PPEF1: variants seen among roughly 807,000 people sequenced by gnomAD.
PPEF1 encodes serine/threonine-protein phosphatase with EF-hands 1.
A neutral mutation model predicts 53.3 loss-of-function variants in PPEF1; 12 were observed. The observed-to-expected ratio is 0.23, with a 90% confidence interval of 0.14 to 0.36. The LOEUF (loss-of-function observed/expected upper bound fraction) is 0.36. PPEF1 is among the 10% of genes least tolerant of loss of function. PPEF1 has a pLI of 1.00. For synonymous variants in PPEF1, 165 were observed against 176.7 expected (o/e 0.93, Z 0.52); for missense variants, 334 against 490.4 (o/e 0.68, Z 3.01).
At chrX:18,702,105 G>A (rs962382180) in intron 6 of PPEF1, among the ~76,000 whole-genome samples, 1 of 111,733 alleles carries the variant, frequency 8.9e-6, no homozygotes, top group Non-Finnish European at 1.9e-5. Flanking sequence ...TCTCTGGCAC[G>A]GGCTGCCAGG....
At chrX:18,743,297 C>T (rs889088383) in intron 3 of PPEF1, among the ~76,000 whole-genome samples, 23 of 111,395 alleles carry the variant, frequency 2.1e-4, no homozygotes, top group Middle Eastern at 4.6e-3. Context: ...TTCAGTTGCT[C>T]CATATCCTCA....
chrX:18,756,751 T>C (rs759525741), intron 4 of PPEF1, among the ~76,000 whole-genome samples: 40 of 112,674 alleles, frequency 3.6e-4, no homozygotes, highest in Non-Finnish European at 7.1e-4. Context: ...TTCATAATAA[T>C]TTTCTGTTGT....
chrX:18,730,968 G>A (rs2044824508), intron 2 of PPEF1, among the ~76,000 whole-genome samples: 1 of 111,734 alleles, frequency 8.9e-6, no homozygotes, highest in Non-Finnish European at 1.9e-5. Context: ...ATCTGCCTTG[G>A]CCTCCCAAAG....
In PPEF1 at chrX:18,761,395, G is replaced by C. The variant is rs891122066; in HGVS notation, c.512-135G>C. On this transcript the variant is annotated intron_variant, in intron 5 of 15. Coordinates refer to ENST00000470157, the MANE Select transcript of PPEF1 (RefSeq NM_001377996.1). ...AGAGTGCTGTGGAGACAAATTGCCT[G>C]TCAAATTAACATCGTCATAGGATAA... 40 of 543,249 alleles carry C rather than the reference G, an allele frequency of 7.4e-5. No individual in the cohort carries two copies. The East Asian group carries it at 1.3e-3, about 18-fold the overall frequency. 44.8% of individuals were successfully genotyped at this position (543,249 alleles called of 1,213,427 possible). A position where few individuals can be genotyped will look rare whatever the true frequency, so the allele number is the denominator to read the frequency against.
chrX:18,732,956 C>A (rs1470856145), intron 2 of PPEF1, among the ~76,000 whole-genome samples: 3 of 111,911 alleles, frequency 2.7e-5, no homozygotes, highest in Non-Finnish European at 5.6e-5. Flanking sequence ...GTAATCCTAG[C>A]ACTTTGGGAG....
intron 6 of PPEF1, among the ~76,000 whole-genome samples, chrX:18,702,304 C>T (rs780755764): frequency 1.3e-4 from 14 of 109,879 alleles, no homozygotes; most frequent in African/African-American, 2.0e-4. Context: ...CTGTGGTGGT[C>T]GGGGGTGGGG....
intron 3 of PPEF1, among the ~76,000 whole-genome samples, chrX:18,739,745 G>GAGGC (rs1434246534): frequency 2.7e-5 from 3 of 112,468 alleles, no homozygotes; most frequent in African/African-American, 6.5e-5. Flanking sequence ...GGCGTCTATA[G>GAGGC]AGGCAGGCAG....
At chrX:18,743,816 GT>G (rs1355708640) in intron 3 of PPEF1, among the ~76,000 whole-genome samples, 2 of 110,187 alleles carry the variant, frequency 1.8e-5, no homozygotes, top group Non-Finnish European at 3.8e-5. Flanking sequence ...TCCTGTTCAG[GT>G]TTTTTTGTCC....
chrX:18,720,968 G>C (rs5909213), intron 1 of PPEF1, among the ~76,000 whole-genome samples: 47,791 of 110,146 alleles, frequency 0.43, 8,358 homozygotes, highest in Non-Finnish European at 0.56. Flanking sequence ...CCTATTCTCT[G>C]ATTGCTTGGT....
At chrX:18,721,084 T>TA (rs1166388168) in intron 1 of PPEF1, among the ~76,000 whole-genome samples, 4 of 111,998 alleles carry the variant, frequency 3.6e-5, no homozygotes, top group Admixed American at 9.6e-5. Flanking sequence ...ATTACATGGA[T>TA]ATACTGCGTG....
At chrX:18,716,895 A>T (rs1443865311) in intron 1 of PPEF1, among the ~76,000 whole-genome samples, 3 of 110,131 alleles carry the variant, frequency 2.7e-5, no homozygotes, top group East Asian at 5.7e-4. Context: ...GACAGAGAAG[A>T]TGCTCTTTCA....
rs148995692 is a variant in PPEF1 at position 18,795,170 on chromosome X, C to T, written c.1065+5897C>T. ...ATAAAAAGTACAAAAATTAGCTGGG[C>T]GTGGTGGTGCATGCCTGTAGTACCA... On this transcript the variant is annotated intron_variant, in intron 10 of 15. Coordinates refer to ENST00000470157, the MANE Select transcript of PPEF1 (RefSeq NM_001377996.1). Among the ~76,000 whole-genome samples the T allele has an allele frequency of 9.8e-3, 1,090 of 110,838 alleles. 15 individuals are homozygous for T. The highest frequency in any genetic ancestry group is 0.034 in the African/African-American group (1,041 of 30,430).
intron 3 of PPEF1, among the ~76,000 whole-genome samples, chrX:18,735,735 C>T (rs1044555335): frequency 4.8e-4 from 54 of 111,910 alleles, no homozygotes; most frequent in African/African-American, 1.4e-3. Flanking sequence ...GCCACTTTCA[C>T]GATATTGATT....
At chrX:18,715,867 T>C (rs1414526530) in intron 1 of PPEF1, among the ~76,000 whole-genome samples, 2 of 112,262 alleles carry the variant, frequency 1.8e-5, no homozygotes, top group African/African-American at 6.5e-5. Context: ...ACATTGCAAT[T>C]TCATTCTCCT....
chrX:18,819,060 TG>T (rs1480023526), intron 13 of PPEF1, among the ~76,000 whole-genome samples: 2 of 111,573 alleles, frequency 1.8e-5, no homozygotes, highest in African/African-American at 6.5e-5. Flanking sequence ...AATTTATCTT[TG>T]AGGGAAGCAT....
intron 12 of PPEF1, among the ~76,000 whole-genome samples, chrX:18,813,256 G>A (rs2046842871): frequency 9.2e-6 from 1 of 108,418 alleles, no homozygotes; most frequent in Non-Finnish European, 1.9e-5. Context: ...GCACACGCCT[G>A]TAGTCCCAGC....
intron 6 of PPEF1, among the ~76,000 whole-genome samples, chrX:18,775,833 C>T (rs2045955223): frequency 8.9e-6 from 1 of 112,424 alleles, no homozygotes; most frequent in African/African-American, 3.2e-5. Context: ...AAAGAAGTCT[C>T]TGTGTTTCTA....
At chrX:18,773,706 C>A (rs192013549) in intron 6 of PPEF1, among the ~76,000 whole-genome samples, 32 of 111,862 alleles carry the variant, frequency 2.9e-4, no homozygotes, top group Admixed American at 6.7e-4. Context: ...TCTGACATTT[C>A]TGGTAAATAA....
At chrX:18,790,614 T>A (rs1416844016) in intron 10 of PPEF1, among the ~76,000 whole-genome samples, 1 of 112,009 alleles carries the variant, frequency 8.9e-6, no homozygotes, top group East Asian at 2.8e-4. Context: ...GTCTGATCCA[T>A]TTTGAGTTAA....
Sources: gnomAD v4.1 joint callset for allele counts (sites outside exome capture counted in the v4.1 genomes callset) on GRCh38, gnomAD v4.1.1 for gene constraint, MANE v1.5 for transcripts, NCBI Gene and HGNC (gene_info 2026-07-23, HGNC 2026-07-21) for gene names.